Variants in VPS51 observed in about 807,000 individuals in gnomAD.
VPS51 encodes VPS51 subunit of GARP complex.
VPS51 carries 55 observed loss-of-function variants against 65.1 expected under a neutral mutation model. The ratio of observed to expected loss-of-function variants is 0.84; its 90% confidence interval spans 0.68 to 1.06. The LOEUF is 1.06. VPS51 is among the 50% of genes least tolerant of loss of function. The probability of loss-of-function intolerance (pLI) is 0.00; values close to 1 mark genes in which losing one functional copy is unlikely to be tolerated. For synonymous variants in VPS51, 473 were observed against 489.5 expected (o/e 0.97, Z 0.44); for missense variants, 943 against 1,101.6 (o/e 0.86, Z 2.04).
intron 2 of VPS51, among the ~76,000 whole-genome samples, chr11:65,103,436 AT>A (rs1005675175): frequency 3.3e-5 from 5 of 152,186 alleles, no homozygotes; most frequent in African/African-American, 1.2e-4. Flanking sequence ...TGAAAAGTCC[AT>A]TTTGCTGATA....
chr11:65,107,784 G>C lies in VPS51; in HGVS notation c.506-19G>C. ...CCTTTCCTGGGGCTCTGGGGCTAAC[G>C]TCACCCTCCGTCCCCCAGGGGTCCA... On this transcript the variant is annotated intron_variant, in intron 3 of 9. Coordinates refer to ENST00000279281, the MANE Select transcript of VPS51 (RefSeq NM_013265.4). The surrounding 1 kb of genome is among the most constrained non-coding windows in gnomAD (Gnocchi z 4.0). 1 of 1,598,910 alleles carries C rather than the reference G, an allele frequency of 6.3e-7. No individual in the cohort carries two copies. Among genetic ancestry groups the C allele is most frequent in the Non-Finnish European group, 8.5e-7 (1 of 1,174,190 alleles).
At position 65,107,685 on chromosome 11, in the gene VPS51, G is replaced by A. The variant is rs1947851953; in HGVS notation, c.463G>A (p.Ala155Thr). The change falls in exon 3 of 10, where the codon GCC becomes ACC. Residue 155 changes from alanine (A) to threonine (T), a missense_variant. Ala to Thr is a moderately conservative substitution (Grantham distance 58, BLOSUM62 0). This residue lies in a region of VPS51 where 855 missense variants were observed against 953.7 expected (regional missense o/e 0.90). Coordinates refer to ENST00000279281, the MANE Select transcript of VPS51 (RefSeq NM_013265.4). The surrounding 1 kb of genome is among the most constrained non-coding windows in gnomAD (Gnocchi z 4.0). ...VITDFSARIS[A>T]TLQDRHERIT... ...CACCGACTTCAGCGCTCGCATCAGC[G>A]CCACGCTGCAGGACCGCCACGAGCG... The A allele has an allele frequency of 6.2e-7, 1 of 1,610,316 alleles. No homozygotes were observed. Among genetic ancestry groups the A allele is most frequent in the South Asian group, 1.1e-5 (1 of 91,014 alleles).
intron 2 of VPS51, among the ~76,000 whole-genome samples, chr11:65,106,238 CTAGG>C (rs929654855): frequency 1.3e-4 from 20 of 152,134 alleles, no homozygotes; most frequent in African/African-American, 4.8e-4. Flanking sequence ...GGATTGATTA[CTAGG>C]TATATTAATC....
At chr11:65,108,075 T>C in intron 4 of VPS51, 53 bp downstream of exon 4, 1 of 1,491,790 alleles carries the variant, frequency 6.7e-7, no homozygotes, top group Non-Finnish European at 8.9e-7. Flanking sequence ...GAGCCCCATC[T>C]GTGCCCGGCT....
intron 1 of VPS51, 106 bp downstream of exon 1, chr11:65,096,584 G>T: frequency 1.9e-6 from 2 of 1,041,012 alleles, no homozygotes; most frequent in Non-Finnish European, 2.7e-6. Context: ...TGAGGTTCAG[G>T]AGAGCAGGTG....
At position 65,111,576 on chromosome 11, in the gene VPS51, G is replaced by T; in HGVS notation, c.2338G>T (p.Glu780Ter). ...MEPSVVEVIC[E>*]RG Reference sequence around the variant, plus strand: ...GCCCAGTGTGGTTGAGGTCATCTGCGAGCGCGGCTAGGCGCAGCCGCTGCC... The same window carrying T: ...GCCCAGTGTGGTTGAGGTCATCTGCTAGCGCGGCTAGGCGCAGCCGCTGCC... Residue 780 changes from glutamate to a stop codon, truncating the protein, a stop_gained, in exon 10 of 10, where the codon GAG (glutamate) becomes TAG (stop). Coordinates refer to ENST00000279281, the MANE Select transcript of VPS51 (RefSeq NM_013265.4). LOFTEE classifies it high-confidence loss of function. The T allele has an allele frequency of 6.2e-7, 1 of 1,606,648 alleles. No homozygotes were observed. Among genetic ancestry groups the T allele is most frequent in the Non-Finnish European group, 8.5e-7 (1 of 1,179,364 alleles).
At chr11:65,109,654 G>A in intron 6 of VPS51, 51 bp from the exon 7 acceptor site, 1 of 1,526,014 alleles carries the variant, frequency 6.6e-7, no homozygotes, top group South Asian at 1.2e-5. Flanking sequence ...AGTGGCCCCT[G>A]AGCTGCCCCC....
In VPS51 at chr11:65,107,257, A is replaced by AGCAGTTGAGGC. The variant is rs1460424357; in HGVS notation, c.359-323_359-313dup. 1.9e-6 allele frequency: 1 copy of AGCAGTTGAGGC among 527,942 alleles called. No homozygotes were observed. Among genetic ancestry groups the AGCAGTTGAGGC allele is most frequent in the Non-Finnish European group, 3.6e-6 (1 of 274,244 alleles). The allele number at this position is 527,942 out of a possible 1,614,324, so 32.7% of individuals were successfully genotyped here. On this transcript the variant is annotated intron_variant, in intron 2 of 9. Coordinates refer to ENST00000279281, the MANE Select transcript of VPS51 (RefSeq NM_013265.4). This position sits in a 1 kb window ranked among gnomAD's most constrained non-coding sequence, Gnocchi z 4.0. Reference sequence around the variant, plus strand: ...GCCTTGGCTGCTTGTGGTCTGATGGAGCAGTTGAGGCACAGTGGTGGCAGC... The same window carrying AGCAGTTGAGGC: ...GCCTTGGCTGCTTGTGGTCTGATGGAGCAGTTGAGGCGCAGTTGAGGCACAGTGGTGGCAGC...
chr11:65,111,777 CG>C lies in VPS51; in HGVS notation c.*193del. 9.0e-7 allele frequency: 1 copy of C among 1,106,380 alleles called. No homozygotes were observed. Among genetic ancestry groups the C allele is most frequent in the Non-Finnish European group, 1.3e-6 (1 of 799,544 alleles). 68.5% of individuals were successfully genotyped at this position (1,106,380 alleles called of 1,614,324 possible). ...GCTGAGGCTTCTGAGGCGCCCGCGT[CG>C]GGTCCGCCCCCGAGCGCCGATTGGC... On this transcript the variant is annotated 3_prime_UTR_variant, in exon 10 of 10. Transcript: ENST00000279281.
rs1443961734 is a variant in VPS51, at chr11:65,107,554, C to A, written c.359-27C>A. 6.4e-7 allele frequency: 1 copy of A among 1,559,980 alleles called. No homozygotes were observed. The highest frequency in any genetic ancestry group is 1.2e-5 in the South Asian group (1 of 83,676). The stretch of plus-strand genomic sequence containing the variant: ...GCCCGCCCTGCAGTCACCTGCTCTC[C>A]CCTTTTCCCCGCCCCTGCCCTCCTA... On this transcript the variant is annotated intron_variant, in intron 2 of 9. Coordinates refer to ENST00000279281, the MANE Select transcript of VPS51 (RefSeq NM_013265.4). This position sits in a 1 kb window ranked among gnomAD's most constrained non-coding sequence, Gnocchi z 4.0.
chr11:65,107,898 C>T lies in VPS51; in HGVS notation c.601C>T (p.Arg201Cys), dbSNP rs1947854239. The T allele has an allele frequency of 2.6e-6, 4 of 1,551,458 alleles. No individual in the cohort carries two copies. The highest frequency in any genetic ancestry group is 4.9e-5 in the East Asian group (2 of 41,088). ...VELGAYGQAV[R>C]YQGRAQAVLQ... Reference sequence around the variant, plus strand: ...ACTGGGCGCCTATGGGCAGGCGGTGCGCTACCAGGGCCGCGCGCAGGCCGT... The same window carrying T: ...ACTGGGCGCCTATGGGCAGGCGGTGTGCTACCAGGGCCGCGCGCAGGCCGT... The change falls in exon 4 of 10, where the codon CGC (arginine) becomes TGC (cysteine). Residue 201 changes from arginine (R) to cysteine (C), a missense_variant. By Grantham distance (180) the Arg-to-Cys change is radical. Transcript: ENST00000279281. This position sits in a 1 kb window ranked among gnomAD's most constrained non-coding sequence, Gnocchi z 4.0.
intron 2 of VPS51, among the ~76,000 whole-genome samples, chr11:65,103,036 C>G (rs1458552420): frequency 6.6e-6 from 1 of 152,110 alleles, no homozygotes; most frequent in Non-Finnish European, 1.5e-5. Context: ...TGTGTGTAGT[C>G]CCAGCTACTT....
chr11:65,110,068 GTAGCC>G lies in VPS51; in HGVS notation c.1878+146_1878+150del, dbSNP rs1336692521. The G allele has an allele frequency of 6.5e-6, 6 of 924,358 alleles. No homozygotes were observed. The African/African-American group carries it at 1.0e-4, about 15-fold the overall frequency. 57.3% of individuals were successfully genotyped at this position (924,358 alleles called of 1,614,324 possible). On this transcript the variant is annotated intron_variant, in intron 7 of 9. Coordinates refer to ENST00000279281, the MANE Select transcript of VPS51 (RefSeq NM_013265.4). ...CTGGGCTTCTCACGGGGCCAGTTCTGTAGCCAGGGCGTCCGTGAGGGAACCCCAGG... is the reference window on the plus strand; with the variant it reads ...CTGGGCTTCTCACGGGGCCAGTTCTGAGGGCGTCCGTGAGGGAACCCCAGG...
intron 2 of VPS51, among the ~76,000 whole-genome samples, chr11:65,106,200 G>T (rs913617384): frequency 2.0e-5 from 3 of 152,220 alleles, no homozygotes; most frequent in Non-Finnish European, 4.4e-5. Flanking sequence ...AGAAAATGTT[G>T]CAGGTAGACC....
chr11:65,097,498 C>T (rs192258372), intron 2 of VPS51, among the ~76,000 whole-genome samples: 134 of 152,194 alleles, frequency 8.8e-4, no homozygotes, highest in Non-Finnish European at 1.3e-3. Flanking sequence ...ACTGGGATTA[C>T]GGGTGTGAGT....
At chr11:65,102,956 A>G (rs1023449619) in intron 2 of VPS51, among the ~76,000 whole-genome samples, 2 of 152,202 alleles carry the variant, frequency 1.3e-5, no homozygotes, top group African/African-American at 4.8e-5. Flanking sequence ...AGCCTGGGCA[A>G]CATAGAGAGA....
rs779459567 is a variant in VPS51, at chr11:65,111,403, G to T, written c.2165G>T (p.Arg722Leu). The T allele has an allele frequency of 1.2e-6, 2 of 1,613,180 alleles. No homozygotes were observed. The highest frequency in any genetic ancestry group is 1.1e-5 in the South Asian group (1 of 91,090). The change falls in exon 10 of 10, where the codon CGC (arginine) becomes CTC (leucine). Residue 722 changes from arginine to leucine, a missense_variant. By Grantham distance (102) the Arg-to-Leu change is moderately radical. Around this residue, in one of 2 missense-constraint regions of VPS51, gnomAD observed 88 missense variants for 147.8 expected, o/e 0.60. Transcript: ENST00000279281. ...LECVRLRTFG[R>L]FGLQQVQVDC... The stretch of plus-strand genomic sequence containing the variant: ...TGTGTGCGGCTGCGCACCTTTGGGC[G>T]CTTCGGGCTGCAGCAGGTGCAAGTG...
intron 2 of VPS51, among the ~76,000 whole-genome samples, chr11:65,101,762 CAAAAAA>C (rs1165429983): frequency 4.1e-3 from 109 of 26,338 alleles, no homozygotes; most frequent in East Asian, 0.03. Flanking sequence ...GACCTTGTCT[CAAAAAA>C]AAAAAAAAAA....
intron 9 of VPS51, 83 bp downstream of exon 9, chr11:65,110,864 C>T (rs1422285318): frequency 7.1e-6 from 11 of 1,558,948 alleles, no homozygotes; most frequent in Non-Finnish European, 8.8e-6. Context: ...CAAGGAGCCC[C>T]AGGACTCTGT....
Sources: allele counts gnomAD v4.1 joint callset (sites outside exome capture counted in the v4.1 genomes callset), GRCh38; gene constraint gnomAD v4.1.1; regional missense constraint gnomAD v4.1.1; non-coding constraint Gnocchi (gnomAD v3.1); transcripts MANE v1.5; gene names NCBI Gene and HGNC (gene_info 2026-07-23, HGNC 2026-07-21).